The following MSR1 variants were observed in gnomAD, a reference collection of about 807,000 sequenced individuals.
The protein encoded by MSR1 is macrophage scavenger receptor 1.
In MSR1, 53 loss-of-function variants were observed where a neutral mutation model predicts 47.2. The observed-to-expected ratio is 1.12, with a 90% confidence interval of 0.90 to 1.41. MSR1 has a LOEUF of 1.41. Ranked by LOEUF, MSR1 falls within the 40% of genes most tolerant of loss-of-function variation. The pLI is 0.00. For missense variants in MSR1, 786 were observed against 546.9 expected (o/e 1.44, Z -4.36); for synonymous variants, 239 against 185.6 (o/e 1.29, Z -2.34).
At chr8:16,140,417 T>C in intron 8 of MSR1, 2 of 985,532 alleles carry the variant, frequency 2.0e-6, no homozygotes, top group Middle Eastern at 5.2e-4. Context: ...GGATTTTTCC[T>C]ATCATTGTAT....
chr8:16,184,407 GA>G (rs1801933557), intron 1 of MSR1, among the ~76,000 whole-genome samples: 1 of 151,920 alleles, frequency 6.6e-6, no homozygotes, highest in Non-Finnish European at 1.5e-5. Context: ...GACAAAAGGA[GA>G]AAAAAATGGT....
rs1048514730 is a variant in MSR1, at chr8:16,190,935, G to A, written c.-5+1663C>T. On this transcript the variant is annotated intron_variant, in intron 1 of 9. Transcript: ENST00000262101. The stretch of plus-strand genomic sequence containing the variant: ...AGGGTTTCTCCATGTTGGTCAGGCT[G>A]GTCTTGAACTCCCGACCTCAGGTAA... Among the ~76,000 whole-genome samples the A allele has an allele frequency of 2.0e-5, 3 of 151,980 alleles. No homozygotes were observed. In the East Asian group the frequency reaches 5.8e-4, roughly 29 times the overall value.
chr8:16,185,958 A>T (rs77182425), intron 1 of MSR1, among the ~76,000 whole-genome samples: 3,769 of 152,220 alleles, frequency 0.025, 169 homozygotes, highest in African/African-American at 0.086. Flanking sequence ...TGACGCTGCA[A>T]GAGAAAAACA....
chr8:16,124,449 C>G (rs965083647), intron 8 of MSR1, among the ~76,000 whole-genome samples: 1 of 152,146 alleles, frequency 6.6e-6, no homozygotes, highest in East Asian at 1.9e-4. Context: ...TAAGGTCATG[C>G]TTAATCTCTG....
intron 6 of MSR1, among the ~76,000 whole-genome samples, chr8:16,151,884 G>A (rs976588192): frequency 1.3e-5 from 2 of 152,104 alleles, no homozygotes; most frequent in Non-Finnish European, 2.9e-5. Flanking sequence ...TACCAGCTTT[G>A]CCACTTACCA....
chr8:16,150,738 G>C (rs574240345), intron 6 of MSR1, among the ~76,000 whole-genome samples: 1 of 151,814 alleles, frequency 6.6e-6, no homozygotes, highest in African/African-American at 2.4e-5. Flanking sequence ...AAGTATCAAC[G>C]AGTGTTTTAT....
intron 7 of MSR1, among the ~76,000 whole-genome samples, chr8:16,147,002 C>T: frequency 6.6e-6 from 1 of 152,072 alleles, no homozygotes; most frequent in East Asian, 1.9e-4. Context: ...TGAAAATGAC[C>T]ATAACTTACC....
intron 1 of MSR1, among the ~76,000 whole-genome samples, chr8:16,190,868 T>C (rs1456153713): frequency 1.3e-5 from 2 of 152,130 alleles, no homozygotes; most frequent in Non-Finnish European, 2.9e-5. Context: ...ATTACAAGCA[T>C]GCACCACCAC....
intron 3 of MSR1, among the ~76,000 whole-genome samples, chr8:16,174,506 C>T (rs751217344): frequency 1.2e-4 from 18 of 152,134 alleles, no homozygotes; most frequent in Admixed American, 4.6e-4. Context: ...AATCTATCTC[C>T]GGTTCAAGTC....
chr8:16,175,107 A>T (rs1472387441), intron 3 of MSR1, 80 bp downstream of exon 3: 2 of 1,123,230 alleles, frequency 1.8e-6, no homozygotes, highest in Non-Finnish European at 2.7e-6. Flanking sequence ...TATACAAAAG[A>T]CTGAATGCTT....
At chr8:16,114,800 T>C (rs1039152793) in intron 9 of MSR1, among the ~76,000 whole-genome samples, 18 of 152,186 alleles carry the variant, frequency 1.2e-4, no homozygotes, top group Non-Finnish European at 2.2e-4. Context: ...AGGTTTGCTA[T>C]TTAAAACCAG....
At chr8:16,168,979 AT>A (rs1801404966) in intron 3 of MSR1, 109 bp from the exon 4 acceptor site, 2 of 1,110,584 alleles carry the variant, frequency 1.8e-6, no homozygotes, top group East Asian at 4.8e-5. Context: ...CCATTCCAAC[AT>A]TTTGAATGCT....
chr8:16,140,463 G>T, intron 8 of MSR1: 2 of 988,048 alleles, frequency 2.0e-6, no homozygotes, highest in Non-Finnish European at 2.4e-6. Flanking sequence ...TTACACCCTA[G>T]TTGTAGTCTC....
chr8:16,182,981 A>G (rs1010995950), intron 1 of MSR1, among the ~76,000 whole-genome samples: 10 of 152,144 alleles, frequency 6.6e-5, no homozygotes, highest in African/African-American at 1.9e-4. Flanking sequence ...CATCACCACA[A>G]ATATGTGAGT....
At chr8:16,111,073 T>G (rs561511764) in intron 9 of MSR1, among the ~76,000 whole-genome samples, 20 of 152,298 alleles carry the variant, frequency 1.3e-4, no homozygotes, top group African/African-American at 4.8e-4. Flanking sequence ...AGGCATGGCA[T>G]GTTTCCTATT....
At chr8:16,189,814 A>G (rs1240986474) in intron 1 of MSR1, among the ~76,000 whole-genome samples, 1 of 142,664 alleles carries the variant, frequency 7.0e-6, no homozygotes, top group Non-Finnish European at 1.5e-5. Context: ...AATAAAAAAT[A>G]CAGCCATTTT....
chr8:16,150,078 C>A, intron 7 of MSR1, among the ~76,000 whole-genome samples, 153 bp downstream of exon 7: 1 of 146,944 alleles, frequency 6.8e-6, no homozygotes, highest in African/African-American at 2.5e-5. Context: ...TTTTATCATC[C>A]AAGAATTTAA....
At chr8:16,162,859 C>A (rs1801199682) in intron 5 of MSR1, among the ~76,000 whole-genome samples, 1 of 151,776 alleles carries the variant, frequency 6.6e-6, no homozygotes, top group Admixed American at 6.6e-5. Context: ...CCTGGTCCTA[C>A]CAGCCTGACT....
At chr8:16,185,204 T>C (rs3789015) in intron 1 of MSR1, among the ~76,000 whole-genome samples, 12,397 of 152,156 alleles carry the variant, frequency 0.081, 950 homozygotes, top group East Asian at 0.42. Context: ...GCCATAGGAT[T>C]TGTGGCATTT....
Sources: gnomAD v4.1 joint callset for allele counts (sites outside exome capture counted in the v4.1 genomes callset) on GRCh38, gnomAD v4.1.1 for gene constraint, MANE v1.5 for transcripts, NCBI Gene and HGNC (gene_info 2026-07-23, HGNC 2026-07-21) for gene names.